The following PCDHGB3 variants were observed in gnomAD, a reference collection of about 807,000 sequenced individuals.
The protein encoded by PCDHGB3 is protocadherin gamma-B3.
A neutral mutation model predicts 59.2 loss-of-function variants in PCDHGB3; 40 were observed. That is an observed-to-expected ratio of 0.68 (90% confidence interval 0.52 to 0.88). The LOEUF is 0.88. Ranked by LOEUF, PCDHGB3 falls within the 40% of genes least tolerant of loss-of-function variation. The pLI, the probability that PCDHGB3 is intolerant of heterozygous loss-of-function variation, is 0.00. For missense variants in PCDHGB3, 1,309 were observed against 1,187.9 expected, an observed-to-expected ratio of 1.10 and a Z score of -1.50; for synonymous variants, 581 against 503.6, an observed-to-expected ratio of 1.15 and a Z score of -2.06.
chr5:141,436,817 TA>T (rs1431750380), intron 1 of PCDHGB3, among the ~76,000 whole-genome samples: 1 of 152,244 alleles, frequency 6.6e-6, no homozygotes, highest in Non-Finnish European at 1.5e-5. Context: ...ACAGCTGGTT[TA>T]AAAATCTTAA....
At chr5:141,374,748 G>A (rs372161900) in intron 1 of PCDHGB3, 115 of 1,611,770 alleles carry the variant, frequency 7.1e-5, no homozygotes, top group Non-Finnish European at 8.7e-5. Flanking sequence ...GACCCTGTCC[G>A]CTCAAGCGTC....
chr5:141,448,103 A>G (rs1252710550), intron 1 of PCDHGB3, among the ~76,000 whole-genome samples: 2 of 151,992 alleles, frequency 1.3e-5, no homozygotes, highest in Non-Finnish European at 2.9e-5. Context: ...AAAAAATTAA[A>G]AGAAAAGAAA....
At chr5:141,479,189 G>A (rs1466742057) in intron 1 of PCDHGB3, 3 of 152,358 alleles carry the variant, frequency 2.0e-5, no homozygotes, top group African/African-American at 7.2e-5. Flanking sequence ...AGAAAATTCA[G>A]AAAATACAGA....
At chr5:141,408,164 A>C (rs2095051548) in intron 1 of PCDHGB3, 1 of 1,520,458 alleles carries the variant, frequency 6.6e-7, no homozygotes, top group African/African-American at 1.4e-5. Context: ...ACTTTCTCCA[A>C]CTGGAAAAGC....
intron 1 of PCDHGB3, chr5:141,414,700 A>G (rs886960965): frequency 6.2e-7 from 1 of 1,613,994 alleles, no homozygotes. Context: ...GTCCTCATAC[A>G]TATCCATCAA....
intron 1 of PCDHGB3, chr5:141,374,540 C>G: frequency 6.2e-7 from 1 of 1,613,264 alleles, no homozygotes; most frequent in Non-Finnish European, 8.5e-7. Context: ...CTCTCGTTTT[C>G]CACTAATGGA....
At chr5:141,402,103 A>C (rs565155809) in intron 1 of PCDHGB3, among the ~76,000 whole-genome samples, 3 of 152,336 alleles carry the variant, frequency 2.0e-5, no homozygotes, top group African/African-American at 4.8e-5. Flanking sequence ...TTAAGCAATT[A>C]CAAAAATGTG....
intron 1 of PCDHGB3, chr5:141,423,111 T>C (rs1394665462): frequency 3.1e-6 from 5 of 1,613,718 alleles, no homozygotes; most frequent in South Asian, 1.1e-5. Flanking sequence ...GCGAGGTGCG[T>C]ACAGCGCGGG....
intron 1 of PCDHGB3, among the ~76,000 whole-genome samples, chr5:141,381,816 CT>C (rs747432194): frequency 4.2e-4 from 52 of 122,544 alleles, no homozygotes; most frequent in Admixed American, 1.7e-3. Flanking sequence ...TTCTTTCTTT[CT>C]TTCTTCTTCT....
intron 1 of PCDHGB3, among the ~76,000 whole-genome samples, chr5:141,480,216 C>T (rs1055544952): frequency 1.9e-4 from 28 of 147,036 alleles, no homozygotes; most frequent in Non-Finnish European, 3.6e-4. Flanking sequence ...CCAGCCTGAG[C>T]GACATAGTGA....
intron 1 of PCDHGB3, chr5:141,408,377 C>A: frequency 6.2e-7 from 1 of 1,614,020 alleles, no homozygotes; most frequent in Non-Finnish European, 8.5e-7. Flanking sequence ...GCTCAGTGTC[C>A]TGGATGTGTC....
rs2099883782 is a variant in PCDHGB3 at position 141,511,420 on chromosome 5, G to C, written c.*247G>C. The C allele has an allele frequency of 1.2e-6, 1 of 830,744 alleles. No homozygotes were observed. The allele number at this position is 830,744 out of a possible 1,614,324, so 51.5% of individuals were successfully genotyped here. On this transcript the variant is annotated 3_prime_UTR_variant, in exon 4 of 4. Transcript: ENST00000576222. ...TCCAATCAACTGCTGTACCCATGGG[G>C]GTAGTGGGGTTACTGTAGACACCAA...
chr5:141,393,393 C>G (rs1244010216), intron 1 of PCDHGB3: 2 of 1,613,900 alleles, frequency 1.2e-6, no homozygotes, highest in African/African-American at 1.3e-5. Context: ...AAACCCAGAG[C>G]TGGTGCTGGA....
chr5:141,491,414 G>C lies in PCDHGB3; in HGVS notation c.2416-3393G>C, dbSNP rs137987971. 35 of 1,614,008 alleles carry C rather than the reference G, an allele frequency of 2.2e-5. No homozygotes were observed. Among genetic ancestry groups the C allele is most frequent in the African/African-American group, 1.3e-4 (10 of 74,910 alleles). On this transcript the variant is annotated intron_variant, in intron 1 of 3. Coordinates refer to ENST00000576222, the MANE Select transcript of PCDHGB3 (RefSeq NM_018924.5). The surrounding 1 kb of genome is among the most constrained non-coding windows in gnomAD (Gnocchi z 6.9). ...CTTCAGGGAAACGCAGACGGGGACG[G>C]GGGTGGAGGGCAGTGCTGCAGGCGC...
chr5:141,430,882 A>G, intron 1 of PCDHGB3: 3 of 1,601,068 alleles, frequency 1.9e-6, no homozygotes, highest in Non-Finnish European at 2.6e-6. Context: ...AGCTGGAGAA[A>G]GGCTCTAGGG....
At chr5:141,404,096 G>C in intron 1 of PCDHGB3, 1 of 1,613,610 alleles carries the variant, frequency 6.2e-7, no homozygotes, top group Non-Finnish European at 8.5e-7. Flanking sequence ...GAATGGTCAA[G>C]TTGTCTGTTC....
At chr5:141,434,427 G>A (rs2097693282) in intron 1 of PCDHGB3, among the ~76,000 whole-genome samples, 1 of 152,216 alleles carries the variant, frequency 6.6e-6, no homozygotes, top group African/African-American at 2.4e-5. Context: ...GTTCATGATG[G>A]CCGTAATGCC....
chr5:141,402,816 C>T, intron 1 of PCDHGB3: 1 of 1,261,762 alleles, frequency 7.9e-7, no homozygotes, highest in South Asian at 1.7e-5. Flanking sequence ...ATACCACAAA[C>T]CTGCTCCCAG....
At chr5:141,415,656 T>C (rs1211470385) in intron 1 of PCDHGB3, 9 of 1,585,542 alleles carry the variant, frequency 5.7e-6, no homozygotes, top group African/African-American at 1.4e-5. Flanking sequence ...AAAAAAAGAT[T>C]GGTTTTTACT....
Sources: allele counts gnomAD v4.1 joint callset (sites outside exome capture counted in the v4.1 genomes callset), GRCh38; gene constraint gnomAD v4.1.1; non-coding constraint Gnocchi (gnomAD v3.1); transcripts MANE v1.5; gene names NCBI Gene and HGNC (gene_info 2026-07-23, HGNC 2026-07-21).